The following COMMD10 variants were observed in gnomAD, a reference collection of about 807,000 sequenced individuals.
COMMD10 encodes COMM domain containing 10.
In COMMD10, 33 loss-of-function variants were observed where a neutral mutation model predicts 28.9. The observed-to-expected ratio is 1.14, with a 90% CI of 0.87 to 1.53. The LOEUF (loss-of-function observed/expected upper bound fraction) is 1.53. Ranked by LOEUF, COMMD10 falls within the 40% of genes most tolerant of loss-of-function variation. The probability of loss-of-function intolerance (pLI) is 0.00; values close to 1 mark genes in which losing one functional copy is unlikely to be tolerated. For missense variants in COMMD10, 310 were observed against 233.4 expected (o/e 1.33, Z -2.14); for synonymous variants, 110 against 81.7 (o/e 1.35, Z -1.87).
chr5:116,100,285 T>C (rs900538892), intron 4 of COMMD10, among the ~76,000 whole-genome samples: 2 of 152,192 alleles, frequency 1.3e-5, no homozygotes, highest in Non-Finnish European at 2.9e-5. Context: ...GTGTAGAAGC[T>C]TTTTAGTTTG....
chr5:116,105,404 C>G, intron 4 of COMMD10, among the ~76,000 whole-genome samples: 1 of 152,104 alleles, frequency 6.6e-6, no homozygotes, highest in East Asian at 1.9e-4. Context: ...ATCAGGGATA[C>G]TGGCTTGAAA....
At chr5:116,240,365 C>T (rs1749780514) in intron 5 of COMMD10, among the ~76,000 whole-genome samples, 1 of 152,098 alleles carries the variant, frequency 6.6e-6, no homozygotes, top group Non-Finnish European at 1.5e-5. Flanking sequence ...CAATCTCCTC[C>T]TGAAATCTGC....
chr5:116,256,294 C>T (rs901551776), intron 5 of COMMD10, among the ~76,000 whole-genome samples: 3 of 151,648 alleles, frequency 2.0e-5, no homozygotes, highest in Non-Finnish European at 4.4e-5. Flanking sequence ...TATCGAACTT[C>T]TGTTCCTTTT....
intron 5 of COMMD10, among the ~76,000 whole-genome samples, chr5:116,207,592 C>T (rs1356685980): frequency 2.6e-5 from 4 of 152,050 alleles, no homozygotes; most frequent in Admixed American, 2.6e-4. Context: ...GTGGCATGAT[C>T]TGGGCTCACT....
intron 5 of COMMD10, among the ~76,000 whole-genome samples, chr5:116,247,707 A>G (rs1749990378): frequency 6.6e-6 from 1 of 152,096 alleles, no homozygotes; most frequent in Non-Finnish European, 1.5e-5. Context: ...AAATTAATGC[A>G]GGAACAGAAA....
At chr5:116,251,075 T>C (rs1309759457) in intron 5 of COMMD10, among the ~76,000 whole-genome samples, 1 of 151,968 alleles carries the variant, frequency 6.6e-6, no homozygotes, top group Non-Finnish European at 1.5e-5. Flanking sequence ...ACAGAGCTCC[T>C]AGTTAATGCT....
At chr5:116,263,847 T>C (rs1370434636) in intron 5 of COMMD10, among the ~76,000 whole-genome samples, 1 of 151,710 alleles carries the variant, frequency 6.6e-6, no homozygotes, top group Non-Finnish European at 1.5e-5. Flanking sequence ...CCTAAAAATA[T>C]ATAAAACCAA....
At chr5:116,191,197 AGGAGGGT>A (rs932701310) in intron 5 of COMMD10, among the ~76,000 whole-genome samples, 1 of 152,126 alleles carries the variant, frequency 6.6e-6, no homozygotes, top group African/African-American at 2.4e-5. Context: ...GGGATCCATC[AGGAGGGT>A]GGCCAGAGGA....
At chr5:116,148,250 T>C (rs1302837116) in intron 5 of COMMD10, among the ~76,000 whole-genome samples, 3 of 151,888 alleles carry the variant, frequency 2.0e-5, no homozygotes. Flanking sequence ...TTAACATGTT[T>C]AGACATATAG....
At chr5:116,129,267 T>C (rs1317419640) in intron 4 of COMMD10, among the ~76,000 whole-genome samples, 2 of 150,520 alleles carry the variant, frequency 1.3e-5, no homozygotes, top group African/African-American at 4.9e-5. Flanking sequence ...GTTTTTAATC[T>C]GTAAAATGGG....
intron 5 of COMMD10, among the ~76,000 whole-genome samples, chr5:116,268,416 A>G (rs1750661081): frequency 6.6e-6 from 1 of 151,932 alleles, no homozygotes; most frequent in African/African-American, 2.4e-5. Flanking sequence ...ATCTCATACC[A>G]GTTAGAATGG....
At chr5:116,111,717 C>T (rs6880213) in intron 4 of COMMD10, among the ~76,000 whole-genome samples, 16,076 of 151,892 alleles carry the variant, frequency 0.11, 946 homozygotes, top group African/African-American at 0.15. Flanking sequence ...GGAGAATATC[C>T]CATGTGTTGA....
At chr5:116,222,903 G>C (rs1427045629) in intron 5 of COMMD10, among the ~76,000 whole-genome samples, 1 of 152,048 alleles carries the variant, frequency 6.6e-6, no homozygotes, top group Non-Finnish European at 1.5e-5. Context: ...ATGTTGATCA[G>C]GCTTGTCTTG....
At chr5:116,136,089 TC>T (rs1326649455) in intron 5 of COMMD10, among the ~76,000 whole-genome samples, 1 of 152,136 alleles carries the variant, frequency 6.6e-6, no homozygotes, top group Non-Finnish European at 1.5e-5. Flanking sequence ...AATAAAGAAA[TC>T]AATCCATTTG....
Position 116,095,438 on chromosome 5 carries a change from A to T in COMMD10, c.399+2738A>T, listed in dbSNP as rs144871171. Among the ~76,000 whole-genome samples the T allele has an allele frequency of 2.6e-3, 402 of 152,336 alleles. 2 individuals are homozygous for T. The highest frequency in any genetic ancestry group is 9.2e-3 in the African/African-American group (381 of 41,578). ...TTGGTAGATTAAGTGTATTAAATAC[A>T]TTTGTGAATTATTGTATTTTAACTT... On this transcript the variant is annotated intron_variant, in intron 4 of 6. Transcript: ENST00000274458.
chr5:116,085,396 A>T (rs1355766682), intron 1 of COMMD10: 1 of 416,650 alleles, frequency 2.4e-6, no homozygotes, highest in Non-Finnish European at 4.3e-6. Context: ...GTTTGGTATC[A>T]GAAGTTCCCG....
chr5:116,207,689 C>A (rs1200039151), intron 5 of COMMD10, among the ~76,000 whole-genome samples: 1 of 152,082 alleles, frequency 6.6e-6, no homozygotes, highest in African/African-American at 2.4e-5. Context: ...CCACACCCAG[C>A]TAATTTCTGT....
intron 5 of COMMD10, among the ~76,000 whole-genome samples, chr5:116,287,122 C>A (rs1414618832): frequency 1.3e-5 from 2 of 151,644 alleles, no homozygotes; most frequent in Non-Finnish European, 2.9e-5. Context: ...TAAATAATGT[C>A]ATTTTGTTCA....
chr5:116,292,978 G>A lies in COMMD10; in HGVS notation c.*489G>A, dbSNP rs781152704. 1.8e-5 allele frequency: 7 copies of A among 396,962 alleles called. No homozygotes were observed. The highest frequency in any genetic ancestry group is 1.3e-4 in the South Asian group (1 of 7,842). The allele number at this position is 396,962 out of a possible 1,614,324, so 24.6% of individuals were successfully genotyped here. On this transcript the variant is annotated 3_prime_UTR_variant, in exon 7 of 7. Transcript: ENST00000274458. ...GAATATGATGAGTATATTTTGCTTC[G>A]GAAATAATATAGGAAGGAAATGTAA...
Sources: gnomAD v4.1 joint callset for allele counts (sites outside exome capture counted in the v4.1 genomes callset) on GRCh38, gnomAD v4.1.1 for gene constraint, MANE v1.5 for transcripts, NCBI Gene and HGNC (gene_info 2026-07-23, HGNC 2026-07-21) for gene names.